PPP2R5E: variants seen among roughly 807,000 people sequenced by gnomAD.
The protein encoded by PPP2R5E is serine/threonine-protein phosphatase 2A 56 kDa regulatory subunit epsilon isoform.
Under a neutral mutation model 65.3 loss-of-function variants are expected in PPP2R5E, and 4 were observed. The ratio of observed to expected loss-of-function variants is 0.06; its 90% confidence interval spans 0.03 to 0.14. PPP2R5E has a LOEUF of 0.14. Ranked by LOEUF, PPP2R5E falls within the 10% of genes least tolerant of loss-of-function variation. The pLI, the probability that PPP2R5E is intolerant of heterozygous loss-of-function variation, is 1.00. For missense variants in PPP2R5E, 274 were observed against 556.1 expected, an observed-to-expected ratio of 0.49 and a Z score of 5.10; for synonymous variants, 183 against 187.4, an observed-to-expected ratio of 0.98 and a Z score of 0.19.
intron 5 of PPP2R5E, among the ~76,000 whole-genome samples, chr14:63,412,562 G>A (rs1281613918): frequency 1.3e-5 from 2 of 152,196 alleles, no homozygotes; most frequent in Admixed American, 1.3e-4. Context: ...ACAAATGAGA[G>A]AAGGTTGACA....
chr14:63,382,278 C>G, intron 12 of PPP2R5E, 121 bp from the exon 13 acceptor site: 1 of 535,918 alleles, frequency 1.9e-6, no homozygotes, highest in Non-Finnish European at 3.1e-6. Flanking sequence ...TGTCTGTATC[C>G]TTTTTTAGTT....
chr14:63,388,441 T>A (rs1884811318), intron 11 of PPP2R5E, among the ~76,000 whole-genome samples: 1 of 151,804 alleles, frequency 6.6e-6, no homozygotes, highest in East Asian at 1.9e-4. Context: ...GCCCAGCCGA[T>A]GATGCTCATT....
Position 63,469,652 on chromosome 14 carries a change from C to T in PPP2R5E, c.158-15767G>A, listed in dbSNP as rs796346537. 2.3e-4 allele frequency among the ~76,000 whole-genome samples: 35 copies of T among 152,336 alleles called. 1 individual carries two copies. The highest frequency in any genetic ancestry group is 1.4e-3 in the Admixed American group (21 of 15,310). ...GAGCTGGCAGTGAGCCGAGATCGTG[C>T]CACTGCACTCCAGCCTGGGCGACAG... On this transcript the variant is annotated intron_variant, in intron 2 of 13. Transcript: ENST00000337537.
At chr14:63,399,810 A>G (rs1885641931) in intron 5 of PPP2R5E, among the ~76,000 whole-genome samples, 1 of 152,184 alleles carries the variant, frequency 6.6e-6, no homozygotes, top group Admixed American at 6.5e-5. Flanking sequence ...AAACATTTCA[A>G]GAGCACATAA....
rs574875559 is a variant in PPP2R5E at position 63,375,319 on chromosome 14, G to A, written c.*690C>T. On this transcript the variant is annotated 3_prime_UTR_variant, in exon 14 of 14. Transcript: ENST00000337537. ...TCACCATAAACTGATGCATGAATCC[G>A]ATATTCCCTTCCCTACTATGTTTAT... The A allele has an allele frequency of 1.3e-5, 2 of 152,546 alleles. No individual in the cohort carries two copies. The highest frequency in any genetic ancestry group is 1.9e-4 in the East Asian group (1 of 5,198). The allele number at this position is 152,546 out of a possible 1,614,324, so 9.4% of individuals were successfully genotyped here. A position where few individuals can be genotyped will look rare whatever the true frequency, so the allele number is the denominator to read the frequency against.
chr14:63,492,085 A>G (rs931722296), intron 2 of PPP2R5E, among the ~76,000 whole-genome samples: 3 of 152,086 alleles, frequency 2.0e-5, no homozygotes, highest in African/African-American at 7.2e-5. Flanking sequence ...TGTTCACAAA[A>G]GAAACCTAAT....
chr14:63,407,362 G>C (rs1311869915), intron 5 of PPP2R5E, among the ~76,000 whole-genome samples: 1 of 152,156 alleles, frequency 6.6e-6, no homozygotes, highest in Non-Finnish European at 1.5e-5. Context: ...TCAAAGGGCA[G>C]ATACAAATGG....
rs35358474 is a variant in PPP2R5E, at chr14:63,372,087, GA to G, written c.*3921del. On this transcript the variant is annotated 3_prime_UTR_variant, in exon 14 of 14. Transcript: ENST00000337537. ...AAGGAGGAAAAGAGAAGCTGAGAGA[GA>G]AAAAAAAAAGAGAAAGGTGGGGGAA... The G allele has an allele frequency of 0.14, 20,169 of 142,694 alleles. 1,892 individuals carry two copies. The highest frequency in any genetic ancestry group is 0.38 in the East Asian group (1,853 of 4,934). The allele number at this position is 142,694 out of a possible 1,614,324, so 8.8% of individuals were successfully genotyped here.
intron 5 of PPP2R5E, among the ~76,000 whole-genome samples, chr14:63,400,950 T>C (rs919153331): frequency 6.6e-6 from 1 of 152,196 alleles, no homozygotes; most frequent in African/African-American, 2.4e-5. Flanking sequence ...TTAGCAAAAC[T>C]TGAATCAACC....
At chr14:63,432,096 C>G (rs1330863483) in intron 3 of PPP2R5E, among the ~76,000 whole-genome samples, 1 of 151,016 alleles carries the variant, frequency 6.6e-6, no homozygotes, top group Non-Finnish European at 1.5e-5. Context: ...TAAATATAGC[C>G]AATATTCAAA....
intron 2 of PPP2R5E, among the ~76,000 whole-genome samples, chr14:63,532,752 C>G (rs1364906725): frequency 2.0e-5 from 3 of 152,228 alleles, no homozygotes; most frequent in Non-Finnish European, 4.4e-5. Flanking sequence ...TAAGCTAGGA[C>G]TCTTGAGGAC....
chr14:63,517,129 G>C (rs1359829445), intron 2 of PPP2R5E, among the ~76,000 whole-genome samples: 2 of 152,034 alleles, frequency 1.3e-5, no homozygotes, highest in Non-Finnish European at 2.9e-5. Context: ...GCACAAATGA[G>C]TATCAATTGT....
intron 2 of PPP2R5E, among the ~76,000 whole-genome samples, chr14:63,477,345 C>T (rs1890460595): frequency 6.6e-6 from 1 of 152,040 alleles, no homozygotes; most frequent in Non-Finnish European, 1.5e-5. Flanking sequence ...TTAATGATAA[C>T]AACAACAAAA....
chr14:63,462,912 G>GACCA (rs1218389230), intron 2 of PPP2R5E, among the ~76,000 whole-genome samples: 2 of 151,720 alleles, frequency 1.3e-5, no homozygotes, highest in African/African-American at 4.8e-5. Flanking sequence ...AGACCAGCCT[G>GACCA]ACCAACATAG....
intron 2 of PPP2R5E, among the ~76,000 whole-genome samples, chr14:63,468,548 CAG>C (rs1889955545): frequency 6.6e-6 from 1 of 152,164 alleles, no homozygotes; most frequent in Non-Finnish European, 1.5e-5. Context: ...GAATGACAAA[CAG>C]AGCATCTGGG....
intron 5 of PPP2R5E, among the ~76,000 whole-genome samples, chr14:63,403,593 C>A (rs1885889949): frequency 6.8e-6 from 1 of 146,756 alleles, no homozygotes; most frequent in African/African-American, 2.5e-5. Context: ...CCCAGAGTGC[C>A]AATTAGAGCA....
At chr14:63,530,693 T>C (rs1225179987) in intron 2 of PPP2R5E, among the ~76,000 whole-genome samples, 1 of 142,932 alleles carries the variant, frequency 7.0e-6, no homozygotes, top group African/African-American at 2.7e-5. Flanking sequence ...TGGAGTGCAG[T>C]GATGCAACCT....
chr14:63,398,703 T>C (rs1186434466), intron 5 of PPP2R5E, among the ~76,000 whole-genome samples: 1 of 152,082 alleles, frequency 6.6e-6, no homozygotes, highest in Non-Finnish European at 1.5e-5. Context: ...GGCAGAAGAA[T>C]TGCTTGAACC....
chr14:63,447,591 A>G (rs904079214), intron 3 of PPP2R5E, among the ~76,000 whole-genome samples: 5 of 152,228 alleles, frequency 3.3e-5, no homozygotes, highest in African/African-American at 1.2e-4. Context: ...ATTATCAGCA[A>G]TAAGGTTGTT....
Sources: gnomAD v4.1 joint callset for allele counts (sites outside exome capture counted in the v4.1 genomes callset) on GRCh38, gnomAD v4.1.1 for gene constraint, MANE v1.5 for transcripts, NCBI Gene and HGNC (gene_info 2026-07-23, HGNC 2026-07-21) for gene names.